CSMD1: variants seen among roughly 807,000 people sequenced by gnomAD.
CSMD1 encodes CUB and Sushi multiple domains 1, also known as CUB and sushi domain-containing protein 1.
In CSMD1, 213 loss-of-function variants were observed where a neutral mutation model predicts 417.5. The ratio of observed to expected loss-of-function variants is 0.51; its 90% CI spans 0.46 to 0.57. The LOEUF (loss-of-function observed/expected upper bound fraction) is 0.57. CSMD1 is among the 20% of genes least tolerant of loss of function. The pLI, the probability that CSMD1 is intolerant of heterozygous loss-of-function variation, is 0.00. For synonymous variants in CSMD1, 2,862 were observed against 1,736.8 expected (o/e 1.65, Z -16.11); for missense variants, 6,923 against 4,529.7 (o/e 1.53, Z -15.17).
chr8:3,436,445 C>A (rs564198448), intron 12 of CSMD1, among the ~76,000 whole-genome samples: 4 of 152,108 alleles, frequency 2.6e-5, no homozygotes, highest in Non-Finnish European at 1.5e-5. Flanking sequence ...CTTACGTAAT[C>A]CCAGCCCTCA....
chr8:4,262,627 C>T (rs1021769431), intron 3 of CSMD1, among the ~76,000 whole-genome samples: 1 of 152,106 alleles, frequency 6.6e-6, no homozygotes, highest in African/African-American at 2.4e-5. Flanking sequence ...AAACAGCCAT[C>T]GCCACCCAGT....
At chr8:3,212,385 G>T (rs560263568) in intron 30 of CSMD1, among the ~76,000 whole-genome samples, 2 of 152,096 alleles carry the variant, frequency 1.3e-5, no homozygotes, top group Non-Finnish European at 2.9e-5. Flanking sequence ...CTGTCGATCT[G>T]TTGCCCAGGC....
chr8:3,618,511 T>C (rs996185743), intron 7 of CSMD1, among the ~76,000 whole-genome samples: 1 of 152,132 alleles, frequency 6.6e-6, no homozygotes. Flanking sequence ...TGCTGCATGA[T>C]GTGACAATTA....
intron 1 of CSMD1, among the ~76,000 whole-genome samples, chr8:4,702,471 C>A (rs1429978944): frequency 6.6e-6 from 1 of 152,138 alleles, no homozygotes; most frequent in Non-Finnish European, 1.5e-5. Context: ...TAGTCCCCTT[C>A]AGTCAAAATG....
At chr8:4,732,064 C>G (rs1809913030) in intron 1 of CSMD1, among the ~76,000 whole-genome samples, 1 of 152,130 alleles carries the variant, frequency 6.6e-6, no homozygotes, top group Admixed American at 6.5e-5. Flanking sequence ...CTTTACATCT[C>G]TCTTGCTAAT....
At chr8:3,723,562 A>G (rs13280137) in intron 6 of CSMD1, among the ~76,000 whole-genome samples, 109,385 of 152,016 alleles carry the variant, frequency 0.72, 39,976 homozygotes, top group South Asian at 0.85. Flanking sequence ...TTGTTACCTA[A>G]ACAATTATTA....
intron 50 of CSMD1, among the ~76,000 whole-genome samples, chr8:3,033,681 G>A (rs1158715852): frequency 6.7e-6 from 1 of 150,036 alleles, no homozygotes; most frequent in Non-Finnish European, 1.5e-5. Flanking sequence ...ACAGGTTGAC[G>A]GGTGCAGCAA....
intron 5 of CSMD1, among the ~76,000 whole-genome samples, chr8:3,770,229 G>T (rs1394335999): frequency 6.6e-6 from 1 of 152,148 alleles, no homozygotes; most frequent in Non-Finnish European, 1.5e-5. Flanking sequence ...TTTCCTTGGT[G>T]CAAGAAAATA....
chr8:4,827,439 T>A (rs1307661534), intron 1 of CSMD1, among the ~76,000 whole-genome samples: 1 of 152,172 alleles, frequency 6.6e-6, no homozygotes, highest in Non-Finnish European at 1.5e-5. Context: ...AGAAACTCTC[T>A]TCTTTGCAGA....
chr8:4,003,742 C>T (rs775504171), intron 4 of CSMD1, among the ~76,000 whole-genome samples: 14 of 152,258 alleles, frequency 9.2e-5, no homozygotes, highest in Non-Finnish European at 1.5e-4. Context: ...AGGCGAGTGA[C>T]ACTGAGAGGG....
At chr8:4,135,188 T>C (rs1476520163) in intron 3 of CSMD1, among the ~76,000 whole-genome samples, 1 of 152,126 alleles carries the variant, frequency 6.6e-6, no homozygotes, top group Non-Finnish European at 1.5e-5. Context: ...CAGGCTTCCA[T>C]TTATCACTTC....
intron 3 of CSMD1, among the ~76,000 whole-genome samples, chr8:4,293,184 T>G (rs578119696): frequency 9.2e-5 from 14 of 152,070 alleles, no homozygotes; most frequent in African/African-American, 3.4e-4. Flanking sequence ...TGAACCTCCC[T>G]GGCACAGAGA....
intron 3 of CSMD1, among the ~76,000 whole-genome samples, chr8:4,241,979 C>T (rs546401675): frequency 3.9e-4 from 59 of 152,230 alleles, no homozygotes; most frequent in African/African-American, 1.3e-3. Flanking sequence ...ATTAACATGC[C>T]AACAGTGCTT....
chr8:4,911,730 G>A (rs973620050), intron 1 of CSMD1, among the ~76,000 whole-genome samples: 4 of 152,002 alleles, frequency 2.6e-5, no homozygotes, highest in African/African-American at 4.8e-5. Context: ...ACTCTAGCAA[G>A]GGACTGGTAA....
intron 23 of CSMD1, among the ~76,000 whole-genome samples, chr8:3,316,198 G>A (rs1271734924): frequency 6.6e-6 from 1 of 152,130 alleles, no homozygotes; most frequent in African/African-American, 2.4e-5. Context: ...GTACAAGGTG[G>A]TAAGAACTTA....
chr8:3,535,084 A>C (rs1401504775), intron 10 of CSMD1, among the ~76,000 whole-genome samples: 1 of 151,880 alleles, frequency 6.6e-6, no homozygotes, highest in Admixed American at 6.6e-5. Context: ...AGTAGTTGGG[A>C]CTACAGGGTG....
At chr8:4,622,192 G>A (rs1461295988) in intron 2 of CSMD1, among the ~76,000 whole-genome samples, 2 of 151,378 alleles carry the variant, frequency 1.3e-5, no homozygotes, top group African/African-American at 2.4e-5. Flanking sequence ...AAAAAAGAAT[G>A]GCAGACATAT....
chr8:4,388,606 T>G (rs1160698090), intron 3 of CSMD1, among the ~76,000 whole-genome samples: 1 of 152,094 alleles, frequency 6.6e-6, no homozygotes, highest in African/African-American at 2.4e-5. Flanking sequence ...CAGTGTATAC[T>G]GCTCAGGTGG....
At chr8:3,031,072 AAAT>A (rs1184457448) in intron 50 of CSMD1, among the ~76,000 whole-genome samples, 4 of 151,926 alleles carry the variant, frequency 2.6e-5, no homozygotes, top group Non-Finnish European at 4.4e-5. Flanking sequence ...CTAATGATAA[AAAT>A]AATATTTTTC....
Sources: gnomAD v4.1 joint callset for allele counts (sites outside exome capture counted in the v4.1 genomes callset) on GRCh38, gnomAD v4.1.1 for gene constraint, MANE v1.5 for transcripts, NCBI Gene and HGNC (gene_info 2026-07-23, HGNC 2026-07-21) for gene names.